RALGAPA2: variants seen among roughly 807,000 people sequenced by gnomAD.
RALGAPA2 encodes Ral GTPase activating protein catalytic subunit alpha 2.
In RALGAPA2, 139 loss-of-function variants were observed where a neutral mutation model predicts 230.4. The observed-to-expected ratio is 0.60, with a 90% confidence interval of 0.53 to 0.69. The LOEUF (loss-of-function observed/expected upper bound fraction) is 0.69, where lower values mean the gene tolerates loss of function less well. Ranked by LOEUF, RALGAPA2 falls within the 30% of genes least tolerant of loss-of-function variation. The pLI is 0.00. For synonymous variants in RALGAPA2, 847 were observed against 837.8 expected (o/e 1.01, Z -0.19); for missense variants, 2,163 against 2,276.0 (o/e 0.95, Z 1.01).
intron 8 of RALGAPA2, among the ~76,000 whole-genome samples, chr20:20,636,111 A>G (rs537352329): frequency 2.0e-5 from 3 of 152,318 alleles, no homozygotes; most frequent in Admixed American, 6.5e-5. Context: ...AACAGAATCA[A>G]TATCATCTAC....
At chr20:20,606,973 C>T (rs941597206) in intron 14 of RALGAPA2, among the ~76,000 whole-genome samples, 3 of 152,198 alleles carry the variant, frequency 2.0e-5, no homozygotes, top group African/African-American at 7.2e-5. Flanking sequence ...TTTCCTAAGC[C>T]TTGTGAAAAG....
intron 37 of RALGAPA2, among the ~76,000 whole-genome samples, chr20:20,465,499 G>A (rs768755397): frequency 1.3e-5 from 2 of 152,176 alleles, no homozygotes; most frequent in Non-Finnish European, 2.9e-5. Context: ...GTGACCCACT[G>A]GGGATGGAGC....
chr20:20,604,566 T>C lies in RALGAPA2; in HGVS notation c.2038+609A>G, dbSNP rs17741685. On this transcript the variant is annotated intron_variant, in intron 15 of 39. Coordinates refer to ENST00000202677, the MANE Select transcript of RALGAPA2 (RefSeq NM_020343.4). ...ATGTGGCCTTGGATGAGTCAATCAC[T>C]GTAAGGCAACCTTGTCCAACCCGTG... 2.4e-3 allele frequency among the ~76,000 whole-genome samples: 371 copies of C among 152,336 alleles called. 12 individuals are homozygous for C. The East Asian group carries it at 0.065, about 27-fold the overall frequency.
At chr20:20,663,977 C>T (rs2067871285) in intron 3 of RALGAPA2, among the ~76,000 whole-genome samples, 1 of 152,202 alleles carries the variant, frequency 6.6e-6, no homozygotes, top group African/African-American at 2.4e-5. Flanking sequence ...AGGACCACTG[C>T]TAAGTGACTG....
In RALGAPA2 at chr20:20,712,508, G is replaced by A. The variant is rs1057014891; in HGVS notation, c.-28C>T. ...CGCGGCAGGAAGCCCGGGCCCCGCC[G>A]GCGGGGCAGTAGGCGCCTGCGCCAC... On this transcript the variant is annotated 5_prime_UTR_variant, in exon 1 of 40. Transcript: ENST00000202677. This position sits in a 1 kb window ranked among gnomAD's most constrained non-coding sequence, Gnocchi z 5.5. 2 of 1,538,666 alleles carry A rather than the reference G, an allele frequency of 1.3e-6. No individual in the cohort carries two copies. The highest frequency in any genetic ancestry group is 2.5e-5 in the East Asian group (1 of 39,418).
chr20:20,655,353 A>G (rs796884238), intron 3 of RALGAPA2, among the ~76,000 whole-genome samples: 2 of 152,306 alleles, frequency 1.3e-5, no homozygotes, highest in African/African-American at 4.8e-5. Context: ...AAACCTTGAC[A>G]GACGTTTGCA....
intron 23 of RALGAPA2, among the ~76,000 whole-genome samples, chr20:20,549,139 GC>G: frequency 6.6e-6 from 1 of 152,180 alleles, no homozygotes; most frequent in South Asian, 2.1e-4. Flanking sequence ...ATTAAAAAAT[GC>G]TTTTCTAGGC....
chr20:20,641,831 T>G (rs965875151), intron 5 of RALGAPA2, among the ~76,000 whole-genome samples: 5 of 151,872 alleles, frequency 3.3e-5, no homozygotes, highest in African/African-American at 1.2e-4. Context: ...ACACAAAGCT[T>G]TGCCAGAAAA....
At chr20:20,688,333 G>A (rs561440266) in intron 1 of RALGAPA2, among the ~76,000 whole-genome samples, 2 of 151,880 alleles carry the variant, frequency 1.3e-5, no homozygotes, top group Non-Finnish European at 2.9e-5. Flanking sequence ...AAAGTATCCT[G>A]GACTGATTAT....
intron 37 of RALGAPA2, among the ~76,000 whole-genome samples, chr20:20,453,846 G>A (rs1044056345): frequency 6.6e-6 from 1 of 152,026 alleles, no homozygotes; most frequent in African/African-American, 2.4e-5. Context: ...GTACACTAAC[G>A]AAAAAAATGC....
rs2062428470 is a variant in RALGAPA2 at position 20,503,209 on chromosome 20, C to T, written c.5208+142G>A. On this transcript the variant is annotated intron_variant, in intron 35 of 39. Coordinates refer to ENST00000202677, the MANE Select transcript of RALGAPA2 (RefSeq NM_020343.4). ...AAAGTAATAACATTTAAGACGCCTT[C>T]TTTCCCCAAACCTTAATCTCAGGGT... 5.0e-6 allele frequency: 4 copies of T among 798,392 alleles called. No homozygotes were observed. The East Asian group carries it at 1.3e-4, about 26-fold the overall frequency. 49.5% of individuals were successfully genotyped at this position (798,392 alleles called of 1,614,324 possible).
intron 3 of RALGAPA2, among the ~76,000 whole-genome samples, chr20:20,668,031 T>G (rs1019280490): frequency 6.6e-6 from 1 of 152,012 alleles, no homozygotes; most frequent in African/African-American, 2.4e-5. Context: ...TAAGTCAAAG[T>G]CCCCTGCATT....
chr20:20,550,389 C>T (rs988026309), intron 23 of RALGAPA2, among the ~76,000 whole-genome samples: 8 of 152,146 alleles, frequency 5.3e-5, no homozygotes, highest in African/African-American at 1.2e-4. Context: ...AAATACCATC[C>T]TCTGATGAAG....
chr20:20,503,548 G>A (rs2062442445), intron 34 of RALGAPA2, 42 bp from the exon 35 acceptor site: 1 of 1,444,030 alleles, frequency 6.9e-7, no homozygotes, highest in South Asian at 1.5e-5. Context: ...GATCAAAAAT[G>A]AGCTGCTCTT....
At position 20,591,199 on chromosome 20, in the gene RALGAPA2, C is replaced by T. The variant is rs1320968491; in HGVS notation, c.2319G>A (p.Pro773=). Reference sequence around the variant, plus strand: ...TACCCTGAGAAGAATCTGAGCACAGCGGCTCGGGGATGTCGGAGGTGCTGC... The same window carrying T: ...TACCCTGAGAAGAATCTGAGCACAGTGGCTCGGGGATGTCGGAGGTGCTGC... ...RSSSTSDIPE[P]LCSDSSQGQK... Residue 773 remains proline (P), a synonymous_variant, in exon 17 of 40, where the codon CCG becomes CCA. Coordinates refer to ENST00000202677, the MANE Select transcript of RALGAPA2 (RefSeq NM_020343.4). The T allele has an allele frequency of 1.3e-5, 21 of 1,613,760 alleles. No homozygotes were observed. Among genetic ancestry groups the T allele is most frequent in the African/African-American group, 8.0e-5 (6 of 75,030 alleles).
chr20:20,638,028 C>T (rs187704825), intron 7 of RALGAPA2, among the ~76,000 whole-genome samples: 21 of 152,278 alleles, frequency 1.4e-4, no homozygotes, highest in African/African-American at 4.1e-4. Flanking sequence ...TCAAAGGCTA[C>T]GATAAACCAG....
chr20:20,635,020 C>T (rs2066809628), intron 9 of RALGAPA2, among the ~76,000 whole-genome samples: 2 of 152,346 alleles, frequency 1.3e-5, no homozygotes, highest in Admixed American at 1.3e-4. Flanking sequence ...GGCAGCTTCA[C>T]AGGTCCTTTC....
intron 1 of RALGAPA2, among the ~76,000 whole-genome samples, chr20:20,703,456 T>C (rs544499984): frequency 1.3e-5 from 2 of 152,332 alleles, no homozygotes; most frequent in Admixed American, 6.5e-5. Flanking sequence ...GAAAATGCTA[T>C]TTGTATTGAC....
intron 23 of RALGAPA2, among the ~76,000 whole-genome samples, chr20:20,554,662 G>C (rs976815311): frequency 6.6e-6 from 1 of 151,680 alleles, no homozygotes; most frequent in African/African-American, 2.4e-5. Context: ...AGGTTATAAG[G>C]CTGGCTAATT....
Sources: allele counts gnomAD v4.1 joint callset (sites outside exome capture counted in the v4.1 genomes callset), GRCh38; gene constraint gnomAD v4.1.1; non-coding constraint Gnocchi (gnomAD v3.1); transcripts MANE v1.5; gene names NCBI Gene and HGNC (gene_info 2026-07-23, HGNC 2026-07-21).